The following ZBTB25 variants were observed in gnomAD, a reference collection of about 807,000 sequenced individuals.
ZBTB25 encodes zinc finger and BTB domain-containing protein 25.
In ZBTB25, 20 loss-of-function variants were observed where a neutral mutation model predicts 34.2. That is an observed-to-expected ratio of 0.58 (90% CI 0.41 to 0.85). The LOEUF (loss-of-function observed/expected upper bound fraction) is 0.85, where lower values mean the gene tolerates loss of function less well. Among genes scored for constraint, ZBTB25 ranks in the 40% least tolerant of loss-of-function variants. The pLI is 0.00. For missense variants in ZBTB25, 437 were observed against 521.8 expected, an observed-to-expected ratio of 0.84 and a Z score of 1.58; for synonymous variants, 175 against 186.4, an observed-to-expected ratio of 0.94 and a Z score of 0.50.
At chr14:64,501,960 A>G (rs2079512219) in intron 1 of ZBTB25, among the ~76,000 whole-genome samples, 1 of 152,258 alleles carries the variant, frequency 6.6e-6, no homozygotes, top group Admixed American at 6.5e-5. Context: ...AACAGGAGCA[A>G]GATATAATGC....
chr14:64,501,161 G>A (rs938765773), intron 1 of ZBTB25, among the ~76,000 whole-genome samples: 15 of 152,162 alleles, frequency 9.9e-5, no homozygotes, highest in African/African-American at 3.6e-4. Context: ...TCCCTAAGCA[G>A]GTTCAAGTAG....
intron 2 of ZBTB25, chr14:64,454,991 G>T: frequency 9.4e-7 from 1 of 1,061,308 alleles, no homozygotes; most frequent in South Asian, 1.3e-5. Context: ...GAAGAAAATT[G>T]GAATCGGGCC....
At chr14:64,461,875 G>A (rs1045993579) in intron 2 of ZBTB25, 4 of 152,214 alleles carry the variant, frequency 2.6e-5, no homozygotes, top group African/African-American at 4.8e-5. Context: ...GGGATTACAG[G>A]CGTGAGCCAC....
intron 1 of ZBTB25, among the ~76,000 whole-genome samples, chr14:64,500,487 GAGAA>G (rs2079452550): frequency 7.1e-6 from 1 of 141,784 alleles, no homozygotes; most frequent in Non-Finnish European, 1.5e-5. Flanking sequence ...GAGAGAGAGA[GAGAA>G]AGAAAATTCC....
At chr14:64,474,964 A>C (rs990657413), downstream of ZBTB25, among the ~76,000 whole-genome samples, 4 of 152,192 alleles carry the variant, frequency 2.6e-5, no homozygotes, top group African/African-American at 4.8e-5. Flanking sequence ...TCTTTTCGTA[A>C]CCACAGCCCG....
At chr14:64,488,910 T>G (rs190630556) in intron 2 of ZBTB25, among the ~76,000 whole-genome samples, 1 of 152,356 alleles carries the variant, frequency 6.6e-6, no homozygotes, top group Non-Finnish European at 1.5e-5. Context: ...AAATTTTATA[T>G]GTTTATAGCC....
chr14:64,452,412 G>C (rs1230714275), intron 2 of ZBTB25, among the ~76,000 whole-genome samples: 1 of 152,156 alleles, frequency 6.6e-6, no homozygotes, highest in Non-Finnish European at 1.5e-5. Flanking sequence ...CTTTGCTTCT[G>C]ATTTCCTTTA....
chr14:64,470,988 C>A (rs554724343), intron 2 of ZBTB25: 1 of 166,806 alleles, frequency 6.0e-6, no homozygotes, highest in African/African-American at 2.4e-5. Context: ...TATTTATTCT[C>A]GGCCAAAAAT....
intron 2 of ZBTB25, chr14:64,455,179 GGGT>G (rs1282217959): frequency 2.5e-6 from 1 of 399,478 alleles, no homozygotes; most frequent in Non-Finnish European, 4.7e-6. Context: ...TGATAGGCTG[GGGT>G]AGTGCTAACA....
At position 64,483,088 on chromosome 14, in the gene ZBTB25, A is replaced by C. The variant is rs904962076; in HGVS notation, c.*3835T>G. On this transcript the variant is annotated 3_prime_UTR_variant, in exon 3 of 3. Transcript: ENST00000608382. ...AAACAACTGCGTGAGATTTCAAAAG[A>C]AGGAAAAATTTTAAGCTGACTCAAG... is the stretch of plus-strand genomic sequence containing the variant. 6.6e-6 allele frequency: 1 copy of C among 152,238 alleles called. No homozygotes were observed. Among genetic ancestry groups the C allele is most frequent in the Admixed American group, 6.5e-5 (1 of 15,284 alleles). 9.4% of individuals were successfully genotyped at this position (152,238 alleles called of 1,614,324 possible). A position where few individuals can be genotyped will look rare whatever the true frequency, so the allele number is the denominator to read the frequency against.
intron 2 of ZBTB25, among the ~76,000 whole-genome samples, chr14:64,450,873 A>G (rs1320672933): frequency 6.6e-6 from 1 of 152,058 alleles, no homozygotes; most frequent in Non-Finnish European, 1.5e-5. Context: ...AAGCCTGGCT[A>G]ATTTGTTTTA....
rs1224495544 is a variant in ZBTB25 at position 64,487,625 on chromosome 14, G to A, written c.606C>T (p.Ser202=). ...ALEEHQKPPV[S]IKQERCDPES... is the part of the protein sequence containing the mutation. ...CTGGGTCACATCTCTCCTGCTTGAT[G>A]GAAACTGGGGGCTTCTGGTGCTCCT... The change falls in exon 3 of 3, where the codon TCC becomes TCT. Residue 202 remains serine (S), a synonymous_variant. Coordinates refer to ENST00000608382, the MANE Select transcript of ZBTB25 (RefSeq NM_006977.5). The A allele has an allele frequency of 1.2e-6, 2 of 1,605,194 alleles. No homozygotes were observed.
rs370099933 is a variant in ZBTB25 at position 64,469,284 on chromosome 14, C to G, written c.174-19646G>C. On this transcript the variant is annotated intron_variant, in intron 2 of 2. Coordinates refer to the ZBTB25 transcript ENST00000555220. ...CCAAATGGAAAAGACTATGAAAGTACAGAGATTGTAGCTGAAGAAACTAAG... is the reference window on the plus strand; with the variant it reads ...CCAAATGGAAAAGACTATGAAAGTAGAGAGATTGTAGCTGAAGAAACTAAG... The G allele has an allele frequency of 6.2e-7, 1 of 1,613,258 alleles. No homozygotes were observed. Among genetic ancestry groups the G allele is most frequent in the Non-Finnish European group, 8.5e-7 (1 of 1,179,920 alleles).
At chr14:64,453,693 C>A in intron 2 of ZBTB25, 1 of 1,003,816 alleles carries the variant, frequency 1.0e-6, no homozygotes, top group Non-Finnish European at 1.6e-6. Flanking sequence ...TGGCTATGTC[C>A]TGGTTAAATG....
intron 2 of ZBTB25, chr14:64,470,117 T>C (rs935660320): frequency 5.9e-6 from 1 of 168,370 alleles, no homozygotes; most frequent in Non-Finnish European, 1.5e-5. Flanking sequence ...AGTGCACATA[T>C]ATGTTTAAAA....
chr14:64,459,073 A>C (rs1401318353), intron 2 of ZBTB25, among the ~76,000 whole-genome samples: 1 of 152,250 alleles, frequency 6.6e-6, no homozygotes, highest in Non-Finnish European at 1.5e-5. Context: ...TAGACAATGG[A>C]GGAGTGTCCT....
exon 3 of ZBTB25, chr14:64,449,631 T>A: frequency 6.2e-7 from 1 of 1,613,822 alleles, no homozygotes; most frequent in Non-Finnish European, 8.5e-7. Flanking sequence ...AGGTGGGTGA[T>A]TTGCTGTCTG....
In ZBTB25 at chr14:64,485,954, C is replaced by T; in HGVS notation, c.*969G>A. ...TGCTTATTTATCTATGTGTGTATAT[C>T]TTACTGTTTCTTAAATATTTTTTAA... On this transcript the variant is annotated 3_prime_UTR_variant, in exon 3 of 3. Coordinates refer to ENST00000608382, the MANE Select transcript of ZBTB25 (RefSeq NM_006977.5). 1 of 984,824 alleles carries T rather than the reference C, an allele frequency of 1.0e-6. No individual in the cohort carries two copies. Among genetic ancestry groups the T allele is most frequent in the Non-Finnish European group, 1.2e-6 (1 of 829,474 alleles). The allele number at this position is 984,824 out of a possible 1,614,324, so 61.0% of individuals were successfully genotyped here.
chr14:64,459,536 C>T (rs745975524), intron 2 of ZBTB25, among the ~76,000 whole-genome samples: 2 of 152,164 alleles, frequency 1.3e-5, no homozygotes, highest in East Asian at 1.9e-4. Context: ...TCATGGCTCA[C>T]GGCTTGGTCT....
Sources: gnomAD v4.1 joint callset for allele counts (sites outside exome capture counted in the v4.1 genomes callset) on GRCh38, gnomAD v4.1.1 for gene constraint, MANE v1.5 for transcripts, NCBI Gene and HGNC (gene_info 2026-07-23, HGNC 2026-07-21) for gene names.